Variants in DST observed in about 807,000 individuals in gnomAD.
DST encodes the protein bullous pemphigoid antigen.
In DST, 253 loss-of-function variants were observed where a neutral mutation model predicts 875.2. The observed-to-expected ratio is 0.29, with a 90% CI of 0.26 to 0.32. The LOEUF (loss-of-function observed/expected upper bound fraction) is 0.32. Ranked by LOEUF, DST falls within the 10% of genes least tolerant of loss-of-function variation. The pLI is 1.00. For synonymous variants in DST, 3,124 were observed against 3,197.1 expected (o/e 0.98, Z 0.77); for missense variants, 8,287 against 9,111.6 (o/e 0.91, Z 3.68).
chr6:56,898,289 C>T (rs542055008), intron 3 of DST, among the ~76,000 whole-genome samples: 1 of 152,142 alleles, frequency 6.6e-6, no homozygotes, highest in African/African-American at 2.4e-5. Flanking sequence ...AAAAGATGAA[C>T]TGAAGTTTAC....
intron 3 of DST, among the ~76,000 whole-genome samples, chr6:56,875,086 C>T (rs112979496): frequency 0.021 from 3,168 of 152,312 alleles, 99 homozygotes; most frequent in African/African-American, 0.071. Flanking sequence ...CAGGTTCACC[C>T]CATTCTCCTG....
At chr6:56,667,966 A>G (rs1380923486) in intron 10 of DST, among the ~76,000 whole-genome samples, 1 of 151,864 alleles carries the variant, frequency 6.6e-6, no homozygotes, top group Non-Finnish European at 1.5e-5. Context: ...GGGTCTTGCT[A>G]TATTGTCTAG....
At chr6:56,857,725 G>T (rs1768705049) in intron 3 of DST, among the ~76,000 whole-genome samples, 1 of 152,120 alleles carries the variant, frequency 6.6e-6, no homozygotes, top group Non-Finnish European at 1.5e-5. Context: ...TAGGTAGGTA[G>T]GTACAAATAT....
intron 92 of DST, among the ~76,000 whole-genome samples, chr6:56,475,519 G>A (rs2095142600): frequency 6.6e-6 from 1 of 151,960 alleles, no homozygotes. Flanking sequence ...CAAACTGTGA[G>A]CAATCAAGTA....
chr6:56,908,963 G>A (rs1268580597), intron 2 of DST, among the ~76,000 whole-genome samples: 23 of 152,168 alleles, frequency 1.5e-4, no homozygotes, highest in Admixed American at 1.4e-3. Flanking sequence ...TGTGTAACCA[G>A]TAGCCCTCTG....
chr6:56,710,687 T>A (rs1418529231), intron 5 of DST, among the ~76,000 whole-genome samples: 1 of 152,154 alleles, frequency 6.6e-6, no homozygotes, highest in African/African-American at 2.4e-5. Context: ...TCAAAAACAT[T>A]GTATTATCTT....
intron 4 of DST, among the ~76,000 whole-genome samples, chr6:56,795,388 T>C (rs977586589): frequency 2.6e-5 from 4 of 151,980 alleles, no homozygotes; most frequent in African/African-American, 9.7e-5. Context: ...TTTAAAATAA[T>C]AGATCAGAAG....
chr6:56,860,636 C>T (rs1254463149), intron 3 of DST, among the ~76,000 whole-genome samples: 1 of 152,198 alleles, frequency 6.6e-6, no homozygotes, highest in Non-Finnish European at 1.5e-5. Flanking sequence ...CGTACCTACC[C>T]TTGGTCAACA....
At chr6:56,602,590 AT>A (rs1177671898) in intron 43 of DST, among the ~76,000 whole-genome samples, 1 of 151,950 alleles carries the variant, frequency 6.6e-6, no homozygotes, top group Admixed American at 6.6e-5. Context: ...TATATGGCTA[AT>A]TCATACTATT....
chr6:56,816,782 T>C (rs781329511), intron 4 of DST, among the ~76,000 whole-genome samples: 13 of 151,946 alleles, frequency 8.6e-5, no homozygotes, highest in Non-Finnish European at 1.9e-4. Context: ...AAATATATTC[T>C]AAGTAGAAGG....
intron 4 of DST, among the ~76,000 whole-genome samples, chr6:56,783,444 C>G (rs1447751462): frequency 3.3e-5 from 5 of 152,108 alleles, no homozygotes; most frequent in Non-Finnish European, 7.3e-5. Context: ...ATAGTTAGCT[C>G]TTCTTGTTGA....
intron 4 of DST, among the ~76,000 whole-genome samples, chr6:56,753,410 G>A (rs1228550999): frequency 6.6e-6 from 1 of 152,112 alleles, no homozygotes; most frequent in Non-Finnish European, 1.5e-5. Context: ...TCCCCACTCT[G>A]CTACTAACTC....
intron 4 of DST, chr6:56,843,277 C>A: frequency 2.4e-6 from 3 of 1,250,848 alleles, no homozygotes; most frequent in Non-Finnish European, 3.0e-6. Context: ...GGGAGAAGCA[C>A]GGAAGCCGAA....
At chr6:56,891,097 A>T (rs1015083349) in intron 3 of DST, among the ~76,000 whole-genome samples, 2 of 152,238 alleles carry the variant, frequency 1.3e-5, no homozygotes, top group South Asian at 2.1e-4. Context: ...ACAAAGCCTC[A>T]GTTCAAGCTC....
rs1160351509 is a variant in DST, at chr6:56,640,536, G to A, written c.2097C>T (p.Arg699=). ...NECSSVYSKG[R]ILTTEQTKLM... is the part of the protein sequence containing the mutation. The stretch of plus-strand genomic sequence containing the variant: ...GCTTTGTCTGTTCTGTTGTCAGTAT[G>A]CGTCCTTTGCTGTACACAGAAGAAC... Residue 699 remains arginine (R), a synonymous_variant, in exon 18 of 104, where the codon CGC becomes CGT. Coordinates refer to ENST00000680361, the MANE Select transcript of DST (RefSeq NM_001374736.1). The A allele has an allele frequency of 6.2e-7, 1 of 1,614,152 alleles. No individual in the cohort carries two copies. The highest frequency in any genetic ancestry group is 1.3e-5 in the African/African-American group (1 of 75,054).
chr6:56,840,060 T>C (rs997378969), intron 4 of DST, among the ~76,000 whole-genome samples: 2 of 152,178 alleles, frequency 1.3e-5, no homozygotes, highest in African/African-American at 4.8e-5. Context: ...TAATGTAACA[T>C]TTTAAAATTA....
intron 9 of DST, among the ~76,000 whole-genome samples, chr6:56,690,191 AT>A (rs1405596035): frequency 9.9e-5 from 15 of 152,082 alleles, no homozygotes; most frequent in African/African-American, 3.4e-4. Context: ...TGCCTTAAGG[AT>A]TTATTTAACC....
rs115261590 is a variant in DST, at chr6:56,606,731, G to A, written c.7897C>T (p.Arg2633Cys). Residue 2633 changes from arginine to cysteine, a missense_variant, in exon 40 of 104, where the codon CGT (arginine) becomes TGT (cysteine). Arg to Cys is a radical substitution (Grantham distance 180). Transcript: ENST00000680361. ...TAGTCCTCAGGGTGCAGGCAATCACGATCATCACCATCAAGAAGCAAAGAA... is the reference window on the plus strand; with the variant it reads ...TAGTCCTCAGGGTGCAGGCAATCACAATCATCACCATCAAGAAGCAAAGAA... ...HDSLLLDGDD[R>C]DCLHPEDYDT... is the part of the protein sequence containing the mutation. 2.0e-3 allele frequency: 3,266 copies of A among 1,613,316 alleles called. 51 individuals are homozygous for A. In the African/African-American group the frequency reaches 0.037, roughly 18 times the overall value.
At chr6:56,560,051 C>T (rs1476445973) in intron 58 of DST, among the ~76,000 whole-genome samples, 1 of 152,068 alleles carries the variant, frequency 6.6e-6, no homozygotes, top group South Asian at 2.1e-4. Context: ...ACTTCATTAA[C>T]TAGTATCTAC....
Sources: gnomAD v4.1 joint callset for allele counts (sites outside exome capture counted in the v4.1 genomes callset) on GRCh38, gnomAD v4.1.1 for gene constraint, MANE v1.5 for transcripts, NCBI Gene and HGNC (gene_info 2026-07-23, HGNC 2026-07-21) for gene names.